The following ATP8A2 variants were observed in gnomAD, a reference collection of about 807,000 sequenced individuals.
ATP8A2 encodes the protein ATPase phospholipid transporting 8A2, also known as phospholipid-transporting ATPase IB.
ATP8A2 carries 100 observed loss-of-function variants against 165.6 expected under a neutral mutation model. The ratio of observed to expected loss-of-function variants is 0.60; its 90% CI spans 0.51 to 0.71. The LOEUF (loss-of-function observed/expected upper bound fraction) is 0.71. Ranked by LOEUF, ATP8A2 falls within the 30% of genes least tolerant of loss-of-function variation. The pLI, the probability that ATP8A2 is intolerant of heterozygous loss-of-function variation, is 0.00. For missense variants in ATP8A2, 1,227 were observed against 1,479.5 expected (o/e 0.83, Z 2.80); for synonymous variants, 543 against 548.8 (o/e 0.99, Z 0.15).
chr13:25,431,701 C>T (rs116292907), intron 1 of ATP8A2, among the ~76,000 whole-genome samples: 3 of 152,196 alleles, frequency 2.0e-5, no homozygotes, highest in African/African-American at 7.2e-5. Flanking sequence ...TTAAAGCTTA[C>T]CTCTTGATTA....
At chr13:25,580,627 G>C (rs985237829) in intron 22 of ATP8A2, among the ~76,000 whole-genome samples, 3 of 152,112 alleles carry the variant, frequency 2.0e-5, no homozygotes, top group African/African-American at 2.4e-5. Flanking sequence ...TCAAACTCCT[G>C]GGTTCAAGCT....
At chr13:25,579,653 G>A (rs1021232266) in intron 21 of ATP8A2, among the ~76,000 whole-genome samples, 155 bp from the exon 22 acceptor site, 1 of 152,138 alleles carries the variant, frequency 6.6e-6, no homozygotes, top group African/African-American at 2.4e-5. Flanking sequence ...GTTTTTAAAG[G>A]TCCCTTGGTA....
At chr13:25,740,195 G>C (rs1461559421) in intron 25 of ATP8A2, among the ~76,000 whole-genome samples, 2 of 151,762 alleles carry the variant, frequency 1.3e-5, no homozygotes, top group African/African-American at 4.8e-5. Context: ...TGTAGTCCCA[G>C]CTTCTCAGGA....
At chr13:25,617,111 T>C (rs924978716) in intron 24 of ATP8A2, among the ~76,000 whole-genome samples, 5 of 152,214 alleles carry the variant, frequency 3.3e-5, no homozygotes, top group South Asian at 2.1e-4. Flanking sequence ...CAAGACTCAA[T>C]TGATAAATCT....
At chr13:25,957,184 G>C (rs1039411693) in intron 33 of ATP8A2, among the ~76,000 whole-genome samples, 1 of 152,140 alleles carries the variant, frequency 6.6e-6, no homozygotes, top group African/African-American at 2.4e-5. Context: ...AGAAAACCTA[G>C]GCAATGCCAT....
chr13:25,525,047 C>T (rs1040916020), intron 2 of ATP8A2, among the ~76,000 whole-genome samples: 6 of 150,972 alleles, frequency 4.0e-5, no homozygotes, highest in Non-Finnish European at 8.9e-5. Flanking sequence ...TTTGGTGTAT[C>T]TATTATAGGT....
chr13:25,627,406 G>A (rs1446710597), intron 24 of ATP8A2, among the ~76,000 whole-genome samples: 1 of 152,230 alleles, frequency 6.6e-6, no homozygotes, highest in Non-Finnish European at 1.5e-5. Flanking sequence ...AAATTTATAT[G>A]TTGAAGCGCT....
At chr13:25,531,348 ATATATGT>A (rs1415572962) in intron 4 of ATP8A2, among the ~76,000 whole-genome samples, 20 of 135,044 alleles carry the variant, frequency 1.5e-4, no homozygotes, top group African/African-American at 4.0e-4. Flanking sequence ...TATATATGAT[ATATATGT>A]TATATATGAT....
chr13:25,511,226 C>T (rs1287583836), intron 2 of ATP8A2, among the ~76,000 whole-genome samples: 1 of 136,210 alleles, frequency 7.3e-6, no homozygotes, highest in Non-Finnish European at 1.8e-5. Context: ...TCTCCTTAAA[C>T]AATTTTTTTT....
intron 33 of ATP8A2, among the ~76,000 whole-genome samples, chr13:25,883,922 A>G (rs1403236624): frequency 6.6e-6 from 1 of 152,184 alleles, no homozygotes; most frequent in Non-Finnish European, 1.5e-5. Flanking sequence ...AGGAGAGGTG[A>G]TTTAAAATCT....
At chr13:25,985,311 T>C (rs570870341) in intron 35 of ATP8A2, among the ~76,000 whole-genome samples, 1 of 152,222 alleles carries the variant, frequency 6.6e-6, no homozygotes, top group South Asian at 2.1e-4. Context: ...AAGGCCAAAA[T>C]TAAATAGCCA....
intron 9 of ATP8A2, among the ~76,000 whole-genome samples, chr13:25,542,404 A>G (rs1259708402): frequency 6.8e-6 from 1 of 146,592 alleles, no homozygotes; most frequent in Non-Finnish European, 1.5e-5. Context: ...TTTTTTTGCT[A>G]ACCACCTTCT....
chr13:25,468,748 G>C (rs1183745036), intron 1 of ATP8A2: 1 of 812,220 alleles, frequency 1.2e-6, no homozygotes, highest in African/African-American at 1.9e-5. Flanking sequence ...CAAGCGCCAG[G>C]GGCCGCGCGG....
At chr13:25,798,240 G>C (rs1445572428) in intron 27 of ATP8A2, among the ~76,000 whole-genome samples, 1 of 152,154 alleles carries the variant, frequency 6.6e-6, no homozygotes, top group Admixed American at 6.5e-5. Context: ...AGAAATGGTA[G>C]TTATTCTTCT....
chr13:25,780,968 G>A (rs1420305681), intron 27 of ATP8A2, among the ~76,000 whole-genome samples: 1 of 152,140 alleles, frequency 6.6e-6, no homozygotes, highest in Non-Finnish European at 1.5e-5. Context: ...GGCCTTACTG[G>A]CAGTTTGTTT....
At chr13:25,592,247 C>T (rs1371914776) in intron 24 of ATP8A2, among the ~76,000 whole-genome samples, 2 of 150,046 alleles carry the variant, frequency 1.3e-5, no homozygotes, top group African/African-American at 5.0e-5. Flanking sequence ...ATTTTTTCTA[C>T]CTCCCTTTAG....
At chr13:25,475,353 A>C (rs915541025) in intron 2 of ATP8A2, among the ~76,000 whole-genome samples, 6 of 152,140 alleles carry the variant, frequency 3.9e-5, no homozygotes, top group African/African-American at 1.4e-4. Flanking sequence ...ACATGATCTC[A>C]TTCTTTTTTA....
intron 28 of ATP8A2, among the ~76,000 whole-genome samples, chr13:25,834,549 T>A (rs1951556956): frequency 6.6e-6 from 1 of 152,222 alleles, no homozygotes; most frequent in South Asian, 2.1e-4. Context: ...ATCCATACTA[T>A]GAATTATTAT....
chr13:25,838,350 G>A (rs982368894), intron 29 of ATP8A2, among the ~76,000 whole-genome samples: 4 of 152,066 alleles, frequency 2.6e-5, no homozygotes, highest in Admixed American at 1.3e-4. Context: ...CTCCTTATTG[G>A]TTCTACCGTC....
Sources: allele counts gnomAD v4.1 joint callset (sites outside exome capture counted in the v4.1 genomes callset), GRCh38; gene constraint gnomAD v4.1.1; transcripts MANE v1.5; gene names NCBI Gene and HGNC (gene_info 2026-07-23, HGNC 2026-07-21).